Variants in NT5DC4 observed in about 807,000 individuals in gnomAD.
The protein encoded by NT5DC4 is 5'-nucleotidase domain-containing protein 4.
A neutral mutation model predicts 26.6 loss-of-function variants in NT5DC4; 44 were observed. The observed-to-expected ratio is 1.65, with a 90% CI of 1.30 to 2.13. The LOEUF (loss-of-function observed/expected upper bound fraction) is 2.13, where lower values mean the gene tolerates loss of function less well. NT5DC4 is among the 30% of genes most tolerant of loss of function. NT5DC4 has a pLI of 0.00. For missense variants in NT5DC4, 399 were observed against 228.1 expected, an observed-to-expected ratio of 1.75 and a Z score of -4.83; for synonymous variants, 157 against 86.7, an observed-to-expected ratio of 1.81 and a Z score of -4.51.
At chr2:112,721,718 G>A in intron 1 of NT5DC4, 100 bp from the exon 2 acceptor site, 1 of 715,834 alleles carries the variant, frequency 1.4e-6, no homozygotes, top group Middle Eastern at 2.5e-4. Flanking sequence ...TGCAGGGGGT[G>A]CTCTGCCCTC....
At chr2:112,721,572 C>T (rs906724067) in intron 1 of NT5DC4, 15 of 717,592 alleles carry the variant, frequency 2.1e-5, no homozygotes, top group African/African-American at 1.4e-4. Context: ...GGCTGATTGC[C>T]CGCACACACT....
intron 16 of NT5DC4, chr2:112,737,520 T>C (rs981511201): frequency 6.6e-6 from 1 of 152,220 alleles, no homozygotes; most frequent in Admixed American, 6.5e-5. Context: ...CCATTTCTTA[T>C]GTCTTCTTTG....
intron 11 of NT5DC4, 72 bp downstream of exon 11, chr2:112,724,978 T>C (rs1423195503): frequency 1.4e-6 from 1 of 695,144 alleles, no homozygotes; most frequent in Non-Finnish European, 2.7e-6. Context: ...TGACCTGCCT[T>C]TATAGCTGGC....
chr2:112,726,950 T>C, intron 15 of NT5DC4: 2 of 588,552 alleles, frequency 3.4e-6, no homozygotes, highest in Non-Finnish European at 6.1e-6. Context: ...AAGGGCTGAG[T>C]TGAGCCTGAT....
At chr2:112,726,568 G>A in intron 14 of NT5DC4, 110 bp from the exon 15 acceptor site, 1 of 704,172 alleles carries the variant, frequency 1.4e-6, no homozygotes, top group Non-Finnish European at 2.7e-6. Flanking sequence ...ACCCCCACTG[G>A]ATGCCCGCAC....
At chr2:112,725,762 A>C (rs1049170571) in intron 13 of NT5DC4, among the ~76,000 whole-genome samples, 2 of 152,154 alleles carry the variant, frequency 1.3e-5, no homozygotes, top group Admixed American at 1.3e-4. Flanking sequence ...AGTAGGGGGA[A>C]AGCTGAGAGT....
At chr2:112,725,321 G>T in intron 12 of NT5DC4, 61 bp from the exon 13 acceptor site, 1 of 689,884 alleles carries the variant, frequency 1.4e-6, no homozygotes, top group South Asian at 1.5e-5. Flanking sequence ...CACCTGCCCC[G>T]AGTCACCTAC....
upstream of NT5DC4, among the ~76,000 whole-genome samples, chr2:112,719,987 T>TTTC (rs1676738896): frequency 2.3e-5 from 3 of 129,918 alleles, no homozygotes; most frequent in African/African-American, 6.8e-5. Context: ...TCTTTCTTTC[T>TTTC]TTTTCTTTTC....
At chr2:112,730,333 C>T (rs1461203001) in intron 16 of NT5DC4, among the ~76,000 whole-genome samples, 1 of 91,546 alleles carries the variant, frequency 1.1e-5, no homozygotes, top group Non-Finnish European at 2.3e-5. Flanking sequence ...AAAAAAAAAG[C>T]GACAGTTGGA....
chr2:112,731,657 T>TAA (rs942215610), intron 16 of NT5DC4: 1 of 152,226 alleles, frequency 6.6e-6, no homozygotes, highest in African/African-American at 2.4e-5. Flanking sequence ...TCTGTGGTAT[T>TAA]AAAGTGCTGA....
At chr2:112,726,638 T>C in intron 14 of NT5DC4, 40 bp from the exon 15 acceptor site, 2 of 717,470 alleles carry the variant, frequency 2.8e-6, no homozygotes, top group African/African-American at 3.5e-5. Context: ...ACTCGGAGGC[T>C]CTGTGCCTCC....
upstream of NT5DC4, among the ~76,000 whole-genome samples, chr2:112,719,904 TTTTCTTTCTTTCTTTCTTTC>T (rs1172710335): frequency 5.4e-4 from 53 of 98,740 alleles, 1 homozygote; most frequent in African/African-American, 2.1e-3. Context: ...CTTTCTTTCT[TTTTCTTTCTTTCTTTCTTTC>T]TCTTTCTTTC....
intron 10 of NT5DC4, chr2:112,724,488 G>T (rs548669411): frequency 5.9e-4 from 336 of 570,694 alleles, no homozygotes; most frequent in Admixed American, 1.3e-3. Flanking sequence ...GCCCTAACTA[G>T]GTAGCCGTGC....
chr2:112,726,896 G>A, intron 15 of NT5DC4, 158 bp downstream of exon 15: 2 of 650,730 alleles, frequency 3.1e-6, no homozygotes, highest in South Asian at 3.5e-5. Context: ...GTCAGCCAGC[G>A]CCCTCTGCTG....
intron 16 of NT5DC4, among the ~76,000 whole-genome samples, chr2:112,733,947 A>G (rs1678762758): frequency 2.0e-5 from 3 of 152,180 alleles, no homozygotes; most frequent in Admixed American, 2.0e-4. Flanking sequence ...TTTCCTTATC[A>G]TCACCTTAGT....
At position 112,726,221 on chromosome 2, in the gene NT5DC4, C is replaced by T. The variant is rs758341666; in HGVS notation, c.1154-17C>T. ...CAGGCCGTCACTCACCCCCACTGAC[C>T]CCTGGTGGCTTTTCAGAGCGGTTGG... On this transcript the variant is annotated splice_polypyrimidine_tract_variant and intron_variant, in intron 13 of 16. Transcript: ENST00000688554. The T allele has an allele frequency of 7.0e-6, 5 of 717,174 alleles. No homozygotes were observed. The highest frequency in any genetic ancestry group is 5.9e-5 in the South Asian group (4 of 67,584). 44.4% of individuals were successfully genotyped at this position (717,174 alleles called of 1,614,324 possible).
chr2:112,729,954 T>C (rs1274457661), intron 16 of NT5DC4, among the ~76,000 whole-genome samples: 4 of 152,220 alleles, frequency 2.6e-5, no homozygotes, highest in African/African-American at 9.7e-5. Context: ...ATTATAGAGA[T>C]GATAATTGTA....
At chr2:112,734,500 C>G (rs546335575) in intron 16 of NT5DC4, among the ~76,000 whole-genome samples, 1 of 152,298 alleles carries the variant, frequency 6.6e-6, no homozygotes, top group African/African-American at 2.4e-5. Context: ...CAGGAAGCAT[C>G]TTTCTAATGA....
chr2:112,735,412 G>A (rs1443881557), intron 16 of NT5DC4, among the ~76,000 whole-genome samples: 2 of 152,056 alleles, frequency 1.3e-5, no homozygotes, highest in Non-Finnish European at 2.9e-5. Context: ...ACTAACAAAT[G>A]TGAACCATCA....
Sources: gnomAD v4.1 joint callset for allele counts (sites outside exome capture counted in the v4.1 genomes callset) on GRCh38, gnomAD v4.1.1 for gene constraint, MANE v1.5 for transcripts, NCBI Gene and HGNC (gene_info 2026-07-23, HGNC 2026-07-21) for gene names.